The following SOX5 variants were observed in gnomAD, a reference collection of about 807,000 sequenced individuals.
SOX5 encodes SRY-box transcription factor 5.
In SOX5, 9 loss-of-function variants were observed where a neutral mutation model predicts 92.0. The observed-to-expected ratio is 0.10, with a 90% CI of 0.06 to 0.17. The LOEUF (loss-of-function observed/expected upper bound fraction) is 0.17. Among genes scored for constraint, SOX5 ranks in the 10% least tolerant of loss-of-function variants. The pLI, the probability that SOX5 is intolerant of heterozygous loss-of-function variation, is 1.00. For synonymous variants in SOX5, 344 were observed against 336.3 expected (o/e 1.02, Z -0.25); for missense variants, 642 against 944.5 (o/e 0.68, Z 4.20).
intron 10 of SOX5, among the ~76,000 whole-genome samples, chr12:23,568,580 G>GT (rs1434640530): frequency 6.6e-6 from 1 of 152,076 alleles, no homozygotes; most frequent in Non-Finnish European, 1.5e-5. Context: ...CAGCATGTCT[G>GT]GCACAGAATT....
chr12:24,217,273 G>A (rs1448939834), intron 3 of SOX5, among the ~76,000 whole-genome samples: 1 of 152,172 alleles, frequency 6.6e-6, no homozygotes, highest in South Asian at 2.1e-4. Context: ...TTGAAATAAG[G>A]ACAGTCTAAT....
At chr12:24,538,034 C>T (rs1951790846) in intron 1 of SOX5, among the ~76,000 whole-genome samples, 1 of 152,176 alleles carries the variant, frequency 6.6e-6, no homozygotes, top group Non-Finnish European at 1.5e-5. Flanking sequence ...TACTATCCTA[C>T]CATCCTCCGA....
intron 4 of SOX5, among the ~76,000 whole-genome samples, chr12:24,010,900 C>G (rs968679752): frequency 3.3e-5 from 5 of 151,906 alleles, no homozygotes; most frequent in African/African-American, 1.2e-4. Flanking sequence ...GATCATGCCA[C>G]TGCTCTCCAG....
In SOX5 at chr12:24,075,277, T is replaced by TAAA. The variant is rs59967372; in HGVS notation, c.-2+138063_-2+138065dup. Reference sequence around the variant, plus strand: ...AGAGTAAGACCCTGTCTCAAATTATTAAAAAAAAAAAAAAAAAAAAAAAAA... The same window carrying TAAA: ...AGAGTAAGACCCTGTCTCAAATTATTAAAAAAAAAAAAAAAAAAAAAAAAAAAA... On this transcript the variant is annotated intron_variant, in intron 4 of 4. Transcript: ENST00000446891. Among the ~76,000 whole-genome samples the TAAA allele has an allele frequency of 4.0e-3, 301 of 75,776 alleles. 14 individuals carry two copies. Among genetic ancestry groups the TAAA allele is most frequent in the African/African-American group, 0.016 (277 of 16,872 alleles). The allele number at this position is 75,776 out of a possible 152,430, so 49.7% of individuals were successfully genotyped here. A position where few individuals can be genotyped will look rare whatever the true frequency, so the allele number is the denominator to read the frequency against.
intron 4 of SOX5, among the ~76,000 whole-genome samples, chr12:23,996,276 A>G (rs1425813009): frequency 2.0e-5 from 3 of 152,206 alleles, no homozygotes; most frequent in South Asian, 2.1e-4. Flanking sequence ...AATATAAACC[A>G]AAACCACAAT....
chr12:23,831,002 T>C (rs1406650572), intron 3 of SOX5, among the ~76,000 whole-genome samples: 1 of 152,118 alleles, frequency 6.6e-6, no homozygotes. Flanking sequence ...TTACATGTAA[T>C]TCTGTAGCAC....
At chr12:24,142,854 T>G (rs1950717591) in intron 4 of SOX5, among the ~76,000 whole-genome samples, 1 of 150,164 alleles carries the variant, frequency 6.7e-6, no homozygotes. Flanking sequence ...GGCCAGCTAC[T>G]AGATAAGACA....
intron 1 of SOX5, among the ~76,000 whole-genome samples, chr12:24,514,927 G>GA (rs1323610388): frequency 1.3e-5 from 2 of 152,084 alleles, no homozygotes; most frequent in Non-Finnish European, 2.9e-5. Flanking sequence ...AGAGGATCAG[G>GA]AAAAATAACT....
chr12:23,848,971 C>T (rs16926776), intron 2 of SOX5, among the ~76,000 whole-genome samples: 13,747 of 152,168 alleles, frequency 0.09, 790 homozygotes, highest in East Asian at 0.2. Flanking sequence ...AAAGGATCTG[C>T]CTAACATAGC....
intron 4 of SOX5, among the ~76,000 whole-genome samples, chr12:24,167,668 T>C (rs1276558434): frequency 6.6e-6 from 1 of 152,180 alleles, no homozygotes; most frequent in Admixed American, 6.5e-5. Flanking sequence ...GTACACATTT[T>C]CTTTGTTTTA....
intron 3 of SOX5, among the ~76,000 whole-genome samples, chr12:24,228,579 A>G (rs577212268): frequency 2.6e-5 from 4 of 152,078 alleles, no homozygotes; most frequent in Non-Finnish European, 4.4e-5. Flanking sequence ...CCAAATGCCA[A>G]CTCAACCCTG....
At chr12:23,719,565 G>A (rs142871512) in intron 6 of SOX5, among the ~76,000 whole-genome samples, 149 of 152,122 alleles carry the variant, frequency 9.8e-4, no homozygotes, top group African/African-American at 3.5e-3. Context: ...GGGCAACATA[G>A]GGAGGGTCCC....
At chr12:24,020,808 G>A (rs1233553214) in intron 4 of SOX5, among the ~76,000 whole-genome samples, 3 of 152,142 alleles carry the variant, frequency 2.0e-5, no homozygotes, top group African/African-American at 7.2e-5. Context: ...TAGTCCTCTT[G>A]TCACTGGACC....
chr12:24,131,994 A>T (rs774119103), intron 4 of SOX5, among the ~76,000 whole-genome samples: 16 of 152,160 alleles, frequency 1.1e-4, no homozygotes, highest in Non-Finnish European at 1.8e-4. Flanking sequence ...GCACGACCAC[A>T]TCCTTGTTAT....
chr12:24,231,164 G>C (rs1237430647), intron 3 of SOX5, among the ~76,000 whole-genome samples: 1 of 152,218 alleles, frequency 6.6e-6, no homozygotes, highest in Non-Finnish European at 1.5e-5. Context: ...TAGATGAAGA[G>C]AGCCATTATT....
chr12:23,801,001 T>C (rs1425986492), intron 3 of SOX5, among the ~76,000 whole-genome samples: 2 of 152,152 alleles, frequency 1.3e-5, no homozygotes, highest in African/African-American at 2.4e-5. Context: ...GGGCCAAACC[T>C]TGAGAGATGC....
chr12:24,487,879 A>G (rs1946676911), intron 1 of SOX5, among the ~76,000 whole-genome samples: 2 of 152,098 alleles, frequency 1.3e-5, no homozygotes, highest in African/African-American at 4.8e-5. Flanking sequence ...AAAACTTTCA[A>G]TAGAATTTTA....
chr12:23,998,037 A>G (rs138695601), intron 4 of SOX5, among the ~76,000 whole-genome samples: 1 of 152,258 alleles, frequency 6.6e-6, no homozygotes, highest in East Asian at 1.9e-4. Flanking sequence ...AAAAATCACA[A>G]AACATGTAAA....
At chr12:23,838,105 T>C (rs1471300231) in intron 3 of SOX5, among the ~76,000 whole-genome samples, 3 of 139,768 alleles carry the variant, frequency 2.1e-5, no homozygotes, top group Non-Finnish European at 4.6e-5. Context: ...ACTTATATAC[T>C]ATATATTTAT....
Sources: gnomAD v4.1 joint callset for allele counts (sites outside exome capture counted in the v4.1 genomes callset) on GRCh38, gnomAD v4.1.1 for gene constraint, MANE v1.5 for transcripts, NCBI Gene and HGNC (gene_info 2026-07-23, HGNC 2026-07-21) for gene names.